TENM3: variants seen among roughly 807,000 people sequenced by gnomAD.
TENM3 encodes the protein teneurin transmembrane protein 3, also known as teneurin-3.
TENM3 carries 63 observed loss-of-function variants against 255.1 expected under a neutral mutation model. That is an observed-to-expected ratio of 0.25 (90% CI 0.20 to 0.30). The LOEUF (loss-of-function observed/expected upper bound fraction) is 0.30, where lower values mean the gene tolerates loss of function less well. TENM3 is among the 10% of genes least tolerant of loss of function. TENM3 has a pLI of 1.00. For missense variants in TENM3, 2,929 were observed against 3,461.1 expected (o/e 0.85, Z 3.86); for synonymous variants, 1,306 against 1,322.3 (o/e 0.99, Z 0.27).
chr4:182,490,722 A>T (rs7693975), intron 3 of TENM3, among the ~76,000 whole-genome samples: 136,938 of 152,136 alleles, frequency 0.9, 61,820 homozygotes, highest in East Asian at 0.99. Flanking sequence ...CTGAGATGGT[A>T]CCTTATGAAG....
At chr4:181,710,334 TA>T in the TENM3 span, among the ~76,000 whole-genome samples, 1 of 152,008 alleles carries the variant, frequency 6.6e-6, no homozygotes, top group African/African-American at 2.4e-5. Flanking sequence ...TGGGTAAACT[TA>T]AAAAATGCTG....
At chr4:182,245,707 A>G (rs768090798) in intron 1 of TENM3, among the ~76,000 whole-genome samples, 1 of 152,150 alleles carries the variant, frequency 6.6e-6, no homozygotes, top group Non-Finnish European at 1.5e-5. Flanking sequence ...TAGGACTGAA[A>G]ACTTCCTCTC....
chr4:181,500,632 T>G, the TENM3 span, among the ~76,000 whole-genome samples: 1 of 152,328 alleles, frequency 6.6e-6, no homozygotes, highest in African/African-American at 2.4e-5. Flanking sequence ...TATAAAATTG[T>G]CATCCCTCTG....
At chr4:181,857,551 C>CAAAAAAAAAAAAAAAAAAAAAAAA in the TENM3 span, among the ~76,000 whole-genome samples, 6 of 104,782 alleles carry the variant, frequency 5.7e-5, no homozygotes, top group Non-Finnish European at 9.2e-5. Flanking sequence ...CCTGTCTCTA[C>CAAAAAAAAAAAAAAAAAAAAAAAA]AAAAAAAAAA....
At chr4:181,637,055 A>G in the TENM3 span, among the ~76,000 whole-genome samples, 1 of 152,124 alleles carries the variant, frequency 6.6e-6, no homozygotes, top group Non-Finnish European at 1.5e-5. Flanking sequence ...CTAGATACCC[A>G]TATGCCTTGC....
At chr4:182,367,397 G>A (rs909398017) in intron 3 of TENM3, among the ~76,000 whole-genome samples, 1 of 152,186 alleles carries the variant, frequency 6.6e-6, no homozygotes, top group African/African-American at 2.4e-5. Flanking sequence ...TGTGGGTAGT[G>A]TCTGGCCAGT....
At chr4:181,563,588 TG>T in the TENM3 span, among the ~76,000 whole-genome samples, 10 of 152,312 alleles carry the variant, frequency 6.6e-5, no homozygotes, top group South Asian at 8.3e-4. Flanking sequence ...AGAAAGGATG[TG>T]GGACTTTGGA....
chr4:182,570,272 A>T (rs1010505203), intron 3 of TENM3, among the ~76,000 whole-genome samples: 1 of 152,188 alleles, frequency 6.6e-6, no homozygotes, highest in African/African-American at 2.4e-5. Flanking sequence ...GATTGCTCCA[A>T]GTTTTCTAAC....
At chr4:181,861,051 C>T in the TENM3 span, among the ~76,000 whole-genome samples, 3 of 152,198 alleles carry the variant, frequency 2.0e-5, no homozygotes, top group South Asian at 2.1e-4. Flanking sequence ...TGGGGAAAAA[C>T]ATCATCCAGC....
At chr4:181,522,950 T>C in the TENM3 span, 25 of 717,210 alleles carry the variant, frequency 3.5e-5, no homozygotes, top group African/African-American at 7.0e-5. Context: ...TGGCAAAGTA[T>C]GAGAAGGCTG....
chr4:182,264,411 T>C lies in TENM3; in HGVS notation c.-76+20935T>C, dbSNP rs534297266. ...ACATTTTAACCACGTGGCGGTACTT[T>C]CTCTTGGTCTCTGCCTTCCAGGGAA... On this transcript the variant is annotated intron_variant, in intron 1 of 27. Coordinates refer to ENST00000511685, the MANE Select transcript of TENM3 (RefSeq NM_001080477.4). 4.6e-5 allele frequency among the ~76,000 whole-genome samples: 7 copies of C among 152,362 alleles called. 1 individual carries two copies. The South Asian group carries it at 1.2e-3, about 27-fold the overall frequency.
At chr4:182,634,160 TTAG>T (rs1253228401) in intron 5 of TENM3, among the ~76,000 whole-genome samples, 1 of 152,132 alleles carries the variant, frequency 6.6e-6, no homozygotes, top group Non-Finnish European at 1.5e-5. Context: ...ACTGTCCAAT[TTAG>T]TAGCCACTAG....
rs116665536 is a variant in TENM3, at chr4:182,384,819, C to T, written c.511+37890C>T. ...TTGTCCCCCTTTATTCCCTCTTGCC[C>T]ACATTCCACATTTCTTTTCAACCTC... On this transcript the variant is annotated intron_variant, in intron 3 of 27. Coordinates refer to ENST00000511685, the MANE Select transcript of TENM3 (RefSeq NM_001080477.4). Among the ~76,000 whole-genome samples the T allele has an allele frequency of 5.2e-3, 795 of 152,176 alleles. 8 individuals carry two copies. The highest frequency in any genetic ancestry group is 0.019 in the African/African-American group (775 of 41,502).
chr4:181,598,161 G>C, the TENM3 span, among the ~76,000 whole-genome samples: 4 of 152,314 alleles, frequency 2.6e-5, 1 homozygote, highest in East Asian at 5.8e-4. Context: ...TGAATTTGTA[G>C]TTCCATGATC....
chr4:182,226,941 T>TA (rs1756197513), intron 1 of TENM3, among the ~76,000 whole-genome samples: 1 of 152,118 alleles, frequency 6.6e-6, no homozygotes, highest in Non-Finnish European at 1.5e-5. Flanking sequence ...TCAAAAATGG[T>TA]AGAGCTGCAA....
the TENM3 span, among the ~76,000 whole-genome samples, chr4:181,641,276 C>T: frequency 6.6e-6 from 1 of 151,608 alleles, no homozygotes; most frequent in African/African-American, 2.4e-5. Context: ...ATGGTGTTTG[C>T]TGCACCCATC....
intron 1 of TENM3, among the ~76,000 whole-genome samples, chr4:182,275,090 G>A (rs1270978386): frequency 6.6e-6 from 1 of 152,178 alleles, no homozygotes; most frequent in Non-Finnish European, 1.5e-5. Flanking sequence ...CTCCCAGCGT[G>A]CTGGGATTAT....
intron 3 of TENM3, among the ~76,000 whole-genome samples, chr4:182,408,320 T>C (rs1769732275): frequency 6.6e-6 from 1 of 152,224 alleles, no homozygotes. Flanking sequence ...TCCATATTCC[T>C]TAGTCGACAG....
the TENM3 span, among the ~76,000 whole-genome samples, chr4:181,939,319 G>A: frequency 1.3e-5 from 2 of 152,324 alleles, no homozygotes; most frequent in African/African-American, 4.8e-5. Flanking sequence ...AGCCACTTGA[G>A]TGTGCTCTAG....
Sources: gnomAD v4.1 joint callset for allele counts (sites outside exome capture counted in the v4.1 genomes callset) on GRCh38, gnomAD v4.1.1 for gene constraint, MANE v1.5 for transcripts, NCBI Gene and HGNC (gene_info 2026-07-23, HGNC 2026-07-21) for gene names.